Variants in ZNF407 observed in about 807,000 individuals in gnomAD.
ZNF407 encodes zinc finger protein 407.
ZNF407 carries 17 observed loss-of-function variants against 131.2 expected under a neutral mutation model. The ratio of observed to expected loss-of-function variants is 0.13; its 90% CI spans 0.09 to 0.19. The LOEUF is 0.19. Among genes scored for constraint, ZNF407 ranks in the 10% least tolerant of loss-of-function variants. The probability of loss-of-function intolerance (pLI) is 1.00; values close to 1 mark genes in which losing one functional copy is unlikely to be tolerated. For missense variants in ZNF407, 2,681 were observed against 2,830.6 expected (o/e 0.95, Z 1.20); for synonymous variants, 1,156 against 1,062.0 (o/e 1.09, Z -1.72).
At chr18:74,710,395 A>G (rs531479681) in intron 3 of ZNF407, among the ~76,000 whole-genome samples, 1 of 152,338 alleles carries the variant, frequency 6.6e-6, no homozygotes, top group African/African-American at 2.4e-5. Flanking sequence ...TTGACTAGAC[A>G]TGCATAATTG....
intron 3 of ZNF407, among the ~76,000 whole-genome samples, chr18:74,779,103 A>AT (rs1969538914): frequency 7.4e-5 from 2 of 26,910 alleles, no homozygotes; most frequent in Admixed American, 7.8e-4. Context: ...ATATATATAT[A>AT]TATATATTTT....
intron 1 of ZNF407, among the ~76,000 whole-genome samples, chr18:74,601,530 G>A (rs900566815): frequency 2.0e-5 from 3 of 152,136 alleles, no homozygotes; most frequent in African/African-American, 4.8e-5. Flanking sequence ...TCACTGGCTC[G>A]CGGTTCTGCA....
At chr18:74,731,500 C>T (rs1568187359) in intron 3 of ZNF407, among the ~76,000 whole-genome samples, 1 of 152,186 alleles carries the variant, frequency 6.6e-6, no homozygotes, top group African/African-American at 2.4e-5. Flanking sequence ...AGTGAAATTT[C>T]TAAGCCTGTT....
intron 1 of ZNF407, among the ~76,000 whole-genome samples, chr18:74,626,384 AAT>A (rs1348238504): frequency 6.6e-6 from 1 of 152,210 alleles, no homozygotes; most frequent in African/African-American, 2.4e-5. Context: ...AGAATGAAAA[AAT>A]ATGTTTTAAA....
intron 3 of ZNF407, among the ~76,000 whole-genome samples, chr18:74,744,059 T>C (rs2144927101): frequency 6.6e-6 from 1 of 152,330 alleles, no homozygotes; most frequent in Admixed American, 6.5e-5. Context: ...GGCTCTCAAG[T>C]TATTTCTTAT....
At chr18:74,781,557 G>T (rs923132300) in intron 4 of ZNF407, 55 bp downstream of exon 4, 2 of 1,353,414 alleles carry the variant, frequency 1.5e-6, no homozygotes, top group Non-Finnish European at 2.0e-6. Flanking sequence ...TTTATTTTAG[G>T]CTTTATTTAA....
intron 7 of ZNF407, among the ~76,000 whole-genome samples, chr18:74,918,309 G>A (rs534620377): frequency 6.6e-6 from 1 of 152,308 alleles, no homozygotes; most frequent in African/African-American, 2.4e-5. Context: ...ACCTAGGTTA[G>A]GATTCTGCCT....
chr18:74,916,427 G>T (rs1971764312), intron 7 of ZNF407, among the ~76,000 whole-genome samples: 1 of 143,120 alleles, frequency 7.0e-6, no homozygotes, highest in Non-Finnish European at 1.5e-5. Context: ...GTGTGTGTGT[G>T]TGCATGTGTG....
intron 1 of ZNF407, among the ~76,000 whole-genome samples, chr18:74,622,893 C>A (rs1205524488): frequency 6.4e-5 from 1 of 15,544 alleles, no homozygotes; most frequent in African/African-American, 1.0e-3. Flanking sequence ...CCTACAAGTG[C>A]GTGTCTGTTT....
chr18:74,980,727 A>T (rs967277054), intron 8 of ZNF407, among the ~76,000 whole-genome samples: 10 of 152,080 alleles, frequency 6.6e-5, no homozygotes, highest in Non-Finnish European at 1.3e-4. Context: ...GAGTGACATG[A>T]TTTTTTTACA....
chr18:74,954,774 G>A (rs972238846), intron 8 of ZNF407, among the ~76,000 whole-genome samples: 3 of 152,134 alleles, frequency 2.0e-5, no homozygotes, highest in African/African-American at 7.2e-5. Flanking sequence ...TCTAACCTTA[G>A]CCCATTCCAG....
intron 3 of ZNF407, among the ~76,000 whole-genome samples, chr18:74,724,539 T>G (rs1968112404): frequency 6.6e-6 from 1 of 152,174 alleles, no homozygotes; most frequent in Non-Finnish European, 1.5e-5. Flanking sequence ...TCAACTTTTT[T>G]TTAAGATTTC....
chr18:74,885,340 C>T (rs1408870652), intron 6 of ZNF407, among the ~76,000 whole-genome samples: 13 of 152,108 alleles, frequency 8.5e-5, no homozygotes, highest in Non-Finnish European at 1.6e-4. Context: ...CAGAACACTG[C>T]TGAGAGAAAT....
chr18:74,687,988 ATTAAT>A lies in ZNF407; in HGVS notation c.4802+46871_4802+46875del, dbSNP rs542462954. ...AATTAAAAAGATTAGGCTTTAAAAA[ATTAAT>A]TTAAAGGGATAATAGAACTGACCTG... is the stretch of plus-strand genomic sequence containing the variant. On this transcript the variant is annotated intron_variant, in intron 3 of 8. Transcript: ENST00000299687. 1.4e-3 allele frequency among the ~76,000 whole-genome samples: 210 copies of A among 152,336 alleles called. 1 individual carries two copies. Among genetic ancestry groups the A allele is most frequent in the African/African-American group, 4.6e-3 (193 of 41,588 alleles).
chr18:74,932,087 A>G (rs1166833957), intron 8 of ZNF407, among the ~76,000 whole-genome samples: 2 of 152,152 alleles, frequency 1.3e-5, no homozygotes, highest in African/African-American at 4.8e-5. Context: ...TTGATACAAT[A>G]TCTTCTAAAA....
chr18:74,838,540 C>A (rs924694867), intron 4 of ZNF407, among the ~76,000 whole-genome samples: 2 of 152,114 alleles, frequency 1.3e-5, no homozygotes, highest in Non-Finnish European at 2.9e-5. Context: ...GTTGACAGTT[C>A]TTTCTAGGAA....
At chr18:74,836,638 T>C (rs1004389922) in intron 4 of ZNF407, among the ~76,000 whole-genome samples, 1 of 152,220 alleles carries the variant, frequency 6.6e-6, no homozygotes, top group Non-Finnish European at 1.5e-5. Flanking sequence ...TACAGATCTC[T>C]TTAGGTGTTT....
chr18:74,760,593 G>T (rs1231590681), intron 3 of ZNF407, among the ~76,000 whole-genome samples: 6 of 152,044 alleles, frequency 3.9e-5, no homozygotes, highest in African/African-American at 1.2e-4. Context: ...ACTGACAGTT[G>T]CCCTGAGGAT....
intron 3 of ZNF407, among the ~76,000 whole-genome samples, chr18:74,753,531 T>A (rs1968856179): frequency 6.6e-6 from 1 of 152,222 alleles, no homozygotes; most frequent in Non-Finnish European, 1.5e-5. Flanking sequence ...AGACGTCCCA[T>A]CAATACCTAG....
Sources: allele counts gnomAD v4.1 joint callset (sites outside exome capture counted in the v4.1 genomes callset), GRCh38; gene constraint gnomAD v4.1.1; transcripts MANE v1.5; gene names NCBI Gene and HGNC (gene_info 2026-07-23, HGNC 2026-07-21).